The following MAMDC2 variants were observed in gnomAD, a reference collection of about 807,000 sequenced individuals.
MAMDC2 encodes MAM domain-containing protein 2.
A neutral mutation model predicts 89.8 loss-of-function variants in MAMDC2; 57 were observed. The observed-to-expected ratio is 0.63, with a 90% CI of 0.51 to 0.79. The LOEUF (loss-of-function observed/expected upper bound fraction) is 0.79, where lower values mean the gene tolerates loss of function less well. Among genes scored for constraint, MAMDC2 ranks in the 30% least tolerant of loss-of-function variants. The pLI, the probability that MAMDC2 is intolerant of heterozygous loss-of-function variation, is 0.00. For missense variants in MAMDC2, 800 were observed against 820.6 expected (o/e 0.97, Z 0.31); for synonymous variants, 313 against 293.4 (o/e 1.07, Z -0.68).
In MAMDC2 at chr9:70,131,142, C is replaced by T. The variant is rs903009981; in HGVS notation, c.901-377C>T. ...CCATATGGCACCTACTCATTGTGTC[C>T]GCAAATTCCAGAAGGGGCAAATGAG... On this transcript the variant is annotated intron_variant, in intron 6 of 13. Coordinates refer to ENST00000377182, the MANE Select transcript of MAMDC2 (RefSeq NM_153267.5). Among the ~76,000 whole-genome samples, 8 of 152,116 alleles carry T rather than the reference C, an allele frequency of 5.3e-5. No individual in the cohort carries two copies. In the East Asian group the frequency reaches 5.8e-4, roughly 11 times the overall value.
rs767992554 is a variant in MAMDC2, at chr9:70,109,760, G to A, written c.461G>A (p.Ser154Asn). Residue 154 changes from serine (S) to asparagine (N), a missense_variant, in exon 4 of 14, where the codon AGC becomes AAC. Transcript: ENST00000377182. ...GTACTAGGACAGGGAAACACAGCCA[G>A]CATCGCACTATTTGAAATCAAGATG... Reference protein sequence around the residue: ...EGVLGQGNTASIALFEIKMTT... With the variant: ...EGVLGQGNTANIALFEIKMTT... The A allele has an allele frequency of 4.3e-6, 7 of 1,614,032 alleles. No homozygotes were observed. The highest frequency in any genetic ancestry group is 3.3e-5 in the South Asian group (3 of 91,074).
intron 11 of MAMDC2, among the ~76,000 whole-genome samples, chr9:70,210,192 T>A (rs567885284): frequency 6.6e-6 from 1 of 152,332 alleles, no homozygotes; most frequent in East Asian, 1.9e-4. Flanking sequence ...GATATCCTTG[T>A]TAACTTTCTG....
At chr9:70,121,068 G>C (rs1211324808) in intron 5 of MAMDC2, among the ~76,000 whole-genome samples, 2 of 152,220 alleles carry the variant, frequency 1.3e-5, no homozygotes, top group African/African-American at 4.8e-5. Context: ...GGCCAGCAGG[G>C]CGCATCACAG....
intron 2 of MAMDC2, among the ~76,000 whole-genome samples, chr9:70,075,627 C>T (rs1827513121): frequency 6.6e-6 from 1 of 152,172 alleles, no homozygotes; most frequent in African/African-American, 2.4e-5. Context: ...CAGTTTACAA[C>T]CCAATGAGGG....
At chr9:70,144,885 C>T (rs2031348127) in intron 9 of MAMDC2, among the ~76,000 whole-genome samples, 1 of 152,204 alleles carries the variant, frequency 6.6e-6, no homozygotes, top group Non-Finnish European at 1.5e-5. Flanking sequence ...AAATCTAGTA[C>T]ACCACTTTTA....
intron 2 of MAMDC2, among the ~76,000 whole-genome samples, chr9:70,089,632 G>T (rs1281535185): frequency 6.6e-6 from 1 of 152,134 alleles, no homozygotes; most frequent in Admixed American, 6.6e-5. Context: ...ATGTTGTGGT[G>T]AGGAGAGAAG....
chr9:70,071,262 T>A (rs182264308), intron 2 of MAMDC2, among the ~76,000 whole-genome samples: 81 of 152,320 alleles, frequency 5.3e-4, no homozygotes, highest in Middle Eastern at 3.4e-3. Flanking sequence ...TTACGTAAGA[T>A]GTCATAGTTT....
At chr9:70,161,427 T>G (rs974703580) in intron 9 of MAMDC2, among the ~76,000 whole-genome samples, 6 of 152,170 alleles carry the variant, frequency 3.9e-5, no homozygotes, top group Non-Finnish European at 7.3e-5. Context: ...ACCAGATGGG[T>G]CCTTTAAGAA....
chr9:70,124,417 C>T (rs73647413), intron 5 of MAMDC2, among the ~76,000 whole-genome samples: 2,908 of 152,180 alleles, frequency 0.019, 85 homozygotes, highest in African/African-American at 0.066. Context: ...TTTGGCAAAA[C>T]GATAAGGTAA....
chr9:70,099,221 T>G (rs764962144), intron 2 of MAMDC2, among the ~76,000 whole-genome samples: 3 of 152,204 alleles, frequency 2.0e-5, no homozygotes, highest in Middle Eastern at 3.2e-3. Context: ...ACTCAGATAT[T>G]AATAGTCCCA....
intron 11 of MAMDC2, among the ~76,000 whole-genome samples, chr9:70,176,723 T>C (rs1274319461): frequency 6.6e-6 from 1 of 152,212 alleles, no homozygotes; most frequent in Admixed American, 6.5e-5. Flanking sequence ...TGTACAACAA[T>C]GTAAATAAGA....
At chr9:70,145,759 C>T (rs964745606) in intron 9 of MAMDC2, among the ~76,000 whole-genome samples, 1 of 151,730 alleles carries the variant, frequency 6.6e-6, no homozygotes, top group Non-Finnish European at 1.5e-5. Flanking sequence ...TTTATTCATT[C>T]GTTTTCTTTA....
At chr9:70,110,164 T>A (rs1463458279) in intron 4 of MAMDC2, among the ~76,000 whole-genome samples, 2 of 152,218 alleles carry the variant, frequency 1.3e-5, no homozygotes, top group Admixed American at 1.3e-4. Flanking sequence ...TTGTATTACC[T>A]CCTTTCCCTT....
At chr9:70,173,727 A>G (rs1277982919) in intron 11 of MAMDC2, among the ~76,000 whole-genome samples, 1 of 152,176 alleles carries the variant, frequency 6.6e-6, no homozygotes, top group Non-Finnish European at 1.5e-5. Context: ...TTAGACATGG[A>G]AGAGAAGACA....
rs781122466 is a variant in MAMDC2 at position 70,108,368 on chromosome 9, CTACA to C, written c.308_311del (p.Tyr103Ter). 5 of 1,614,054 alleles carry C rather than the reference CTACA, an allele frequency of 3.1e-6. No individual in the cohort carries two copies. The highest frequency in any genetic ancestry group is 1.7e-5 in the Admixed American group (1 of 60,022). On this transcript the variant is annotated frameshift_variant, in exon 3 of 14. Transcript: ENST00000377182. LOFTEE classifies it high-confidence loss of function. ...TGTCAGATCCCAGCCAGCTGAACCTCTACATGAGATTTGAAGATGAAAGCTTTGA... is the reference window on the plus strand; with the variant it reads ...TGTCAGATCCCAGCCAGCTGAACCTCTGAGATTTGAAGATGAAAGCTTTGA...
intron 11 of MAMDC2, chr9:70,194,506 G>A (rs980348955): frequency 6.6e-6 from 1 of 152,092 alleles, no homozygotes; most frequent in African/African-American, 2.4e-5. Flanking sequence ...GCCCTTGTTA[G>A]ACAAGCAAAC....
At chr9:70,086,373 T>C (rs1328455946) in intron 2 of MAMDC2, 1 of 152,170 alleles carries the variant, frequency 6.6e-6, no homozygotes, top group Non-Finnish European at 1.5e-5. Flanking sequence ...ACATCAGGTG[T>C]TGTGCAGTTA....
intron 2 of MAMDC2, among the ~76,000 whole-genome samples, chr9:70,075,348 T>A (rs1048607755): frequency 2.6e-5 from 4 of 152,198 alleles, no homozygotes; most frequent in African/African-American, 4.8e-5. Context: ...TATAAAAACA[T>A]TGGTCATGAA....
chr9:70,187,691 C>T (rs2032786656), intron 11 of MAMDC2, among the ~76,000 whole-genome samples: 1 of 152,132 alleles, frequency 6.6e-6, no homozygotes, highest in South Asian at 2.1e-4. Context: ...ATTTGCCCAT[C>T]TAGACCTTTC....
Sources: allele counts gnomAD v4.1 joint callset (sites outside exome capture counted in the v4.1 genomes callset), GRCh38; gene constraint gnomAD v4.1.1; transcripts MANE v1.5; gene names NCBI Gene and HGNC (gene_info 2026-07-23, HGNC 2026-07-21).